Variants in DPYD observed in about 807,000 individuals in gnomAD.
The protein encoded by DPYD is dihydropyrimidine dehydrogenase [NADP(+)].
A neutral mutation model predicts 116.2 loss-of-function variants in DPYD; 109 were observed. The ratio of observed to expected loss-of-function variants is 0.94; its 90% confidence interval spans 0.80 to 1.10. The LOEUF (loss-of-function observed/expected upper bound fraction) is 1.10. Ranked by LOEUF, DPYD falls within the 50% of genes least tolerant of loss-of-function variation. DPYD has a pLI of 0.00. For missense variants in DPYD, 1,302 were observed against 1,254.5 expected, an observed-to-expected ratio of 1.04 and a Z score of -0.57; for synonymous variants, 440 against 432.0, an observed-to-expected ratio of 1.02 and a Z score of -0.23.
At chr1:97,692,547 C>A (rs1165051060) in intron 6 of DPYD, among the ~76,000 whole-genome samples, 2 of 152,132 alleles carry the variant, frequency 1.3e-5, no homozygotes, top group African/African-American at 4.8e-5. Flanking sequence ...TCCATGAATA[C>A]ACAGCAATCC....
rs900588721 is a variant in DPYD, at chr1:97,250,286, A to AAAAT, written c.2300-15296_2300-15293dup. 1.8e-4 allele frequency among the ~76,000 whole-genome samples: 28 copies of AAAAT among 152,214 alleles called. No homozygotes were observed. The South Asian group carries it at 5.8e-3, about 32-fold the overall frequency. ...CTCCATCTCAAAAAAATAAAAAATA[A>AAAAT]AAATAAATAAATAAATAAAGATAAA... is the stretch of plus-strand genomic sequence containing the variant. On this transcript the variant is annotated intron_variant, in intron 18 of 22. Coordinates refer to ENST00000370192, the MANE Select transcript of DPYD (RefSeq NM_000110.4).
chr1:97,810,975 G>A (rs986510809), intron 3 of DPYD, among the ~76,000 whole-genome samples: 29 of 151,916 alleles, frequency 1.9e-4, no homozygotes, highest in African/African-American at 6.8e-4. Flanking sequence ...TTTTCATATT[G>A]GTCTTCAGTT....
intron 19 of DPYD, among the ~76,000 whole-genome samples, chr1:97,215,167 G>T (rs1302176820): frequency 6.6e-6 from 1 of 152,120 alleles, no homozygotes; most frequent in Non-Finnish European, 1.5e-5. Context: ...CATACTACGA[G>T]GTAGGTAGTA....
intron 20 of DPYD, among the ~76,000 whole-genome samples, chr1:97,180,362 C>T (rs1331414044): frequency 1.3e-5 from 2 of 152,054 alleles, no homozygotes; most frequent in East Asian, 3.9e-4. Context: ...ATAACAAATA[C>T]ATGTTTTTCT....
intron 13 of DPYD, among the ~76,000 whole-genome samples, chr1:97,466,574 C>A (rs926847089): frequency 3.3e-5 from 5 of 152,038 alleles, no homozygotes; most frequent in African/African-American, 1.2e-4. Context: ...CTATAATTAT[C>A]ATTTGTGCTT....
chr1:97,457,434 T>C (rs1451189179), intron 13 of DPYD, among the ~76,000 whole-genome samples: 1 of 152,174 alleles, frequency 6.6e-6, no homozygotes, highest in Admixed American at 6.5e-5. Context: ...TTGTTTTTCC[T>C]CTTGCCCTTT....
At chr1:97,216,023 C>T (rs1044089013) in intron 19 of DPYD, among the ~76,000 whole-genome samples, 3 of 152,186 alleles carry the variant, frequency 2.0e-5, no homozygotes, top group Non-Finnish European at 4.4e-5. Flanking sequence ...CTAGAGGCTA[C>T]TGATAAGTGA....
At chr1:97,809,593 T>C (rs1394532935) in intron 3 of DPYD, among the ~76,000 whole-genome samples, 1 of 152,198 alleles carries the variant, frequency 6.6e-6, no homozygotes, top group Admixed American at 6.5e-5. Flanking sequence ...AAGGACTACC[T>C]AAAATTTGGG....
At chr1:97,111,959 A>T (rs1651629607) in intron 20 of DPYD, among the ~76,000 whole-genome samples, 1 of 152,116 alleles carries the variant, frequency 6.6e-6, no homozygotes, top group Non-Finnish European at 1.5e-5. Context: ...GGTTGTAAAG[A>T]TTATATAATT....
Position 97,757,504 on chromosome 1 carries a change from C to A in DPYD, c.234-17025G>T, listed in dbSNP as rs575203765. On this transcript the variant is annotated intron_variant, in intron 3 of 22. Transcript: ENST00000370192. ...CTTGCATTTTCAGCAGCAGCCACAC[C>A]AGGTGTTCAACAAATGCTTTTTGAA... Among the ~76,000 whole-genome samples the A allele has an allele frequency of 5.3e-5, 8 of 152,130 alleles. No homozygotes were observed. The East Asian group carries it at 1.5e-3, about 29-fold the overall frequency.
intron 2 of DPYD, among the ~76,000 whole-genome samples, chr1:97,829,911 C>T (rs1343626475): frequency 1.3e-5 from 2 of 151,960 alleles, no homozygotes; most frequent in East Asian, 1.9e-4. Context: ...CCCCCACCCC[C>T]AGACAGGCTC....
intron 14 of DPYD, among the ~76,000 whole-genome samples, chr1:97,402,263 C>A (rs1376354933): frequency 6.6e-6 from 1 of 152,088 alleles, no homozygotes; most frequent in East Asian, 1.9e-4. Flanking sequence ...CATGGAATAT[C>A]TCTCCATTTA....
intron 18 of DPYD, among the ~76,000 whole-genome samples, chr1:97,257,328 C>T (rs1663549177): frequency 6.6e-6 from 1 of 151,332 alleles, no homozygotes; most frequent in African/African-American, 2.4e-5. Flanking sequence ...TGTATTTATA[C>T]TACATAAATG....
At chr1:97,298,296 CTTA>C (rs1666652351) in intron 18 of DPYD, among the ~76,000 whole-genome samples, 1 of 152,008 alleles carries the variant, frequency 6.6e-6, no homozygotes, top group African/African-American at 2.4e-5. Flanking sequence ...CCCTCCAAGC[CTTA>C]TGTATCAGAA....
rs114472078 is a variant in DPYD, at chr1:97,524,248, A to G, written c.1525-8307T>C. ...ACAGCGAGTTATGTTTGTATTTCAC[A>G]TAAGAAAGAATTTTGAAATAGAGTT... On this transcript the variant is annotated intron_variant, in intron 12 of 22. Transcript: ENST00000370192. 2.8e-3 allele frequency among the ~76,000 whole-genome samples: 419 copies of G among 152,318 alleles called. 1 individual carries two copies. Among genetic ancestry groups the G allele is most frequent in the African/African-American group, 9.4e-3 (390 of 41,572 alleles).
chr1:97,473,759 C>T (rs577702828), intron 13 of DPYD, among the ~76,000 whole-genome samples: 137 of 152,242 alleles, frequency 9.0e-4, no homozygotes, highest in African/African-American at 3.1e-3. Flanking sequence ...GTAATCCCAA[C>T]AATTTGAGAG....
intron 19 of DPYD, among the ~76,000 whole-genome samples, chr1:97,222,797 T>C (rs1488776935): frequency 1.3e-5 from 2 of 152,040 alleles, no homozygotes; most frequent in African/African-American, 4.8e-5. Context: ...AATTGCATAA[T>C]GGAAAGAAAA....
intron 3 of DPYD, among the ~76,000 whole-genome samples, chr1:97,794,741 G>A (rs917417099): frequency 3.9e-5 from 6 of 152,010 alleles, no homozygotes; most frequent in Non-Finnish European, 7.4e-5. Context: ...AAGTCACCAC[G>A]CTTATTTCAC....
intron 12 of DPYD, chr1:97,546,378 A>T: frequency 6.9e-7 from 1 of 1,454,968 alleles, no homozygotes; most frequent in Non-Finnish European, 9.7e-7. Context: ...AGGAAGATGA[A>T]GAAGAAGTTT....
Sources: allele counts gnomAD v4.1 joint callset (sites outside exome capture counted in the v4.1 genomes callset), GRCh38; gene constraint gnomAD v4.1.1; transcripts MANE v1.5; gene names NCBI Gene and HGNC (gene_info 2026-07-23, HGNC 2026-07-21).